Variants in TFAP2A observed in about 807,000 individuals in gnomAD.
TFAP2A encodes transcription factor AP-2 alpha.
A neutral mutation model predicts 41.5 loss-of-function variants in TFAP2A; 7 were observed. That is an observed-to-expected ratio of 0.17 (90% CI 0.10 to 0.32). TFAP2A has a LOEUF of 0.32. Ranked by LOEUF, TFAP2A falls within the 10% of genes least tolerant of loss-of-function variation. The pLI is 1.00. For missense variants in TFAP2A, 416 were observed against 563.3 expected (o/e 0.74, Z 2.65); for synonymous variants, 247 against 242.8 (o/e 1.02, Z -0.16).
chr6:10,417,920 C>T (rs781206643), upstream of TFAP2A, among the ~76,000 whole-genome samples: 8 of 152,236 alleles, frequency 5.3e-5, no homozygotes, highest in Non-Finnish European at 8.8e-5. Context: ...CCAGGCCAAA[C>T]CTACTCAACA....
chr6:10,400,827 A>C (rs1346826413), intron 5 of TFAP2A: 4 of 674,610 alleles, frequency 5.9e-6, no homozygotes, highest in East Asian at 2.9e-5. Context: ...TGAAAATCTC[A>C]TCCACCAACC....
intron 1 of TFAP2A, chr6:10,411,862 C>A: frequency 7.4e-7 from 1 of 1,350,526 alleles, no homozygotes; most frequent in African/African-American, 1.5e-5. Flanking sequence ...ATTCAAAGTT[C>A]TTTAAAAATG....
At chr6:10,416,835 C>T (rs1561719363), upstream of TFAP2A, 2 of 152,322 alleles carry the variant, frequency 1.3e-5, no homozygotes, top group African/African-American at 4.8e-5. Context: ...CAGAAGGCTC[C>T]AAAAAGCTAG....
intron 3 of TFAP2A, 40 bp downstream of exon 3, chr6:10,406,753 C>G: frequency 6.4e-7 from 1 of 1,554,908 alleles, no homozygotes; most frequent in South Asian, 1.1e-5. Flanking sequence ...AGCACTCTGC[C>G]TGTAAGGACA....
chr6:10,408,863 T>C (rs916616545), intron 2 of TFAP2A, among the ~76,000 whole-genome samples: 2 of 152,278 alleles, frequency 1.3e-5, no homozygotes, highest in Non-Finnish European at 2.9e-5. Context: ...TAGTAATCAT[T>C]AAACTGTCAA....
intron 2 of TFAP2A, chr6:10,407,266 CAG>C (rs966828703): frequency 1.6e-5 from 4 of 245,920 alleles, no homozygotes; most frequent in Non-Finnish European, 3.2e-5. Flanking sequence ...ATAGAAATGA[CAG>C]GGGCGGGAGT....
At chr6:10,400,412 CG>C (rs758928590) in intron 6 of TFAP2A, 35 bp downstream of exon 6, 1 of 1,613,976 alleles carries the variant, frequency 6.2e-7, no homozygotes, top group Non-Finnish European at 8.5e-7. Context: ...CTCTTGACAA[CG>C]AGACACAGAG....
intron 2 of TFAP2A, 81 bp from the exon 3 acceptor site, chr6:10,406,925 G>A: frequency 8.9e-7 from 1 of 1,117,398 alleles, no homozygotes; most frequent in Non-Finnish European, 1.4e-6. Context: ...ATGGGAGGAG[G>A]GGAAGGTGTA....
At chr6:10,414,056 G>A (rs1218202337) in intron 1 of TFAP2A, among the ~76,000 whole-genome samples, 1 of 152,216 alleles carries the variant, frequency 6.6e-6, no homozygotes, top group Non-Finnish European at 1.5e-5. Context: ...GGCGAGCTCA[G>A]GGGACTCTGC....
chr6:10,409,239 CATTTA>C (rs947045309), intron 2 of TFAP2A: 1 of 152,186 alleles, frequency 6.6e-6, no homozygotes, highest in Non-Finnish European at 1.5e-5. Context: ...AGTCTCGAAA[CATTTA>C]ATTTAATATG....
chr6:10,414,537 A>C (rs1758160448), intron 1 of TFAP2A: 3 of 357,408 alleles, frequency 8.4e-6, no homozygotes, highest in Admixed American at 8.1e-5. Flanking sequence ...AGTTCAAGAG[A>C]GAAAAGAGTT....
Position 10,398,621 on chromosome 6 carries a change from G to C in TFAP2A, c.1116C>G (p.Pro372=), listed in dbSNP as rs372082918. ...GNSRPNPILE[P]GIQSCLTHFN... is the part of the protein sequence containing the mutation. ...AGTGGGTCAAGCAGCTCTGGATGCC[G>C]GGCTCCAGGATGGGGTTGGGCCGTG... Residue 372 remains proline (P), a synonymous_variant, in exon 7 of 7, where the codon CCC becomes CCG. Transcript: ENST00000379613. The surrounding 1 kb of genome is among the most constrained non-coding windows in gnomAD (Gnocchi z 5.3). 1 of 1,614,186 alleles carries C rather than the reference G, an allele frequency of 6.2e-7. No homozygotes were observed. Among genetic ancestry groups the C allele is most frequent in the South Asian group, 1.1e-5 (1 of 91,082 alleles).
rs370675603 is a variant in TFAP2A, at chr6:10,411,519, C to A, written c.52-1184G>T. 1.9e-6 allele frequency: 3 copies of A among 1,613,216 alleles called. No homozygotes were observed. The South Asian group carries it at 3.3e-5, about 18-fold the overall frequency. ...CGGGCAGCTCCACGGCACCAGGTTT[C>A]CAGAATCCAATTCCTAAAGAAACAG... is the stretch of plus-strand genomic sequence containing the variant. On this transcript the variant is annotated intron_variant, in intron 1 of 6. Transcript: ENST00000379613.
chr6:10,406,982 C>T (rs1757743716), intron 2 of TFAP2A, 138 bp from the exon 3 acceptor site: 1 of 741,922 alleles, frequency 1.3e-6, no homozygotes, highest in African/African-American at 1.7e-5. Context: ...ATATAAACAT[C>T]TCATCTTGGC....
At chr6:10,400,642 C>A in intron 5 of TFAP2A, 53 bp from the exon 6 acceptor site, 2 of 1,599,976 alleles carry the variant, frequency 1.3e-6, no homozygotes, top group East Asian at 2.2e-5. Context: ...GAGTGGGGAT[C>A]CTAACTTCCT....
chr6:10,417,592 C>A (rs1357265414), upstream of TFAP2A, among the ~76,000 whole-genome samples: 1 of 152,294 alleles, frequency 6.6e-6, no homozygotes, highest in Non-Finnish European at 1.5e-5. Context: ...ACGTGGGGGG[C>A]ATAAAAAGGG....
chr6:10,411,507 G>A (rs1282980470), intron 1 of TFAP2A: 2 of 1,613,068 alleles, frequency 1.2e-6, no homozygotes, highest in Non-Finnish European at 1.7e-6. Flanking sequence ...GCAGCTCCAC[G>A]GCACCAGGTT....
At chr6:10,400,185 T>C (rs1183391886) in intron 6 of TFAP2A, among the ~76,000 whole-genome samples, 2 of 146,420 alleles carry the variant, frequency 1.4e-5, no homozygotes, top group African/African-American at 5.1e-5. Context: ...GTCAAACCCC[T>C]CCTACAACCC....
At chr6:10,411,676 C>G in intron 1 of TFAP2A, 1 of 1,606,222 alleles carries the variant, frequency 6.2e-7, no homozygotes, top group Non-Finnish European at 8.5e-7. Flanking sequence ...GCCGCCCGAG[C>G]GCGCCCCACA....
Sources: gnomAD v4.1 joint callset for allele counts (sites outside exome capture counted in the v4.1 genomes callset) on GRCh38, gnomAD v4.1.1 for gene constraint, Gnocchi (gnomAD v3.1) non-coding constraint, MANE v1.5 for transcripts, NCBI Gene and HGNC (gene_info 2026-07-23, HGNC 2026-07-21) for gene names.